Variants in TBCD observed in about 807,000 individuals in gnomAD.
TBCD encodes the protein tubulin-specific chaperone D.
TBCD carries 105 observed loss-of-function variants against 169.3 expected under a neutral mutation model. The observed-to-expected ratio is 0.62, with a 90% CI of 0.53 to 0.73. The LOEUF (loss-of-function observed/expected upper bound fraction) is 0.73. Among genes scored for constraint, TBCD ranks in the 30% least tolerant of loss-of-function variants. The pLI is 0.00. For synonymous variants in TBCD, 700 were observed against 643.9 expected (o/e 1.09, Z -1.32); for missense variants, 1,444 against 1,600.1 (o/e 0.90, Z 1.66).
At chr17:82,872,998 C>T (rs895958085) in intron 14 of TBCD, among the ~76,000 whole-genome samples, 3 of 151,902 alleles carry the variant, frequency 2.0e-5, no homozygotes, top group South Asian at 2.1e-4. Context: ...TCGTGGCCGA[C>T]GGCTTCTGAG....
chr17:82,797,962 CTTTTTTTTTTTTTTTTTT>C (rs60671571), intron 8 of TBCD, among the ~76,000 whole-genome samples, 160 bp downstream of exon 8: 3 of 49,042 alleles, frequency 6.1e-5, no homozygotes, highest in South Asian at 1.2e-3. Context: ...AGTAACTGAA[CTTTTTTTTTTTTTTTTTT>C]TTTTTTTTTT....
chr17:82,752,178 T>G lies in TBCD; in HGVS notation c.-16T>G. 1 of 1,506,962 alleles carries G rather than the reference T, an allele frequency of 6.6e-7. No homozygotes were observed. Among genetic ancestry groups the G allele is most frequent in the Non-Finnish European group, 8.8e-7 (1 of 1,130,672 alleles). 93.3% of individuals were successfully genotyped at this position (1,506,962 alleles called of 1,614,324 possible). On this transcript the variant is annotated 5_prime_UTR_variant, in exon 1 of 39. Coordinates refer to ENST00000355528, the MANE Select transcript of TBCD (RefSeq NM_005993.5). ...GCGAACACGTGAGGCGGGGGCGCGG[T>G]CCCCAGGCTGCCGAGATGGCCCTGA... is the stretch of plus-strand genomic sequence containing the variant.
intron 30 of TBCD, 64 bp from the exon 31 acceptor site, chr17:82,929,049 C>CAGTTTACCGCCCGCTCTT (rs1568072083): frequency 1.3e-6 from 2 of 1,562,876 alleles, no homozygotes; most frequent in African/African-American, 2.7e-5. Context: ...CGCCTGTGCT[C>CAGTTTACCGCCCGCTCTT]AGTTTACCGC....
In TBCD at chr17:82,856,035, A is replaced by G. The variant is rs2056255628; in HGVS notation, c.1319-14189A>G. Among the ~76,000 whole-genome samples, 3 of 110,062 alleles carry G rather than the reference A, an allele frequency of 2.7e-5. No homozygotes were observed. The Admixed American group carries it at 4.2e-4, about 16-fold the overall frequency. 72.2% of individuals were successfully genotyped at this position (110,062 alleles called of 152,430 possible). On this transcript the variant is annotated intron_variant, in intron 13 of 38. Transcript: ENST00000355528. ...TTTTTTTTTGTAGAGACAGGGTCTC[A>G]CCATCTAGCCCAGGTTGGTCTTGAA... is the stretch of plus-strand genomic sequence containing the variant.
intron 13 of TBCD, among the ~76,000 whole-genome samples, chr17:82,861,047 G>T (rs1031240841): frequency 6.6e-6 from 1 of 152,140 alleles, no homozygotes; most frequent in African/African-American, 2.4e-5. Flanking sequence ...ACCGCGGCCC[G>T]TTGCAAGAAG....
rs2063607571 is a variant in TBCD at position 82,945,214 on chromosome 17, T to C, written c.*2751T>C. 1.3e-5 allele frequency: 2 copies of C among 152,158 alleles called. No homozygotes were observed. The highest frequency in any genetic ancestry group is 2.4e-5 in the African/African-American group (1 of 41,428). 9.4% of individuals were successfully genotyped at this position (152,158 alleles called of 1,614,324 possible). A position where few individuals can be genotyped will look rare whatever the true frequency, so the allele number is the denominator to read the frequency against. On this transcript the variant is annotated 3_prime_UTR_variant, in exon 39 of 39. Transcript: ENST00000355528. ...AGCTTAGACACAGCTGAAGAGAGAA[T>C]TAGAAAACTGGAAGATCTGAAAACA...
chr17:82,865,995 G>A (rs1356504823), intron 13 of TBCD, among the ~76,000 whole-genome samples: 1 of 152,228 alleles, frequency 6.6e-6, no homozygotes, highest in Admixed American at 6.5e-5. Flanking sequence ...TGCATTTGCT[G>A]TGTGTAATTG....
intron 13 of TBCD, chr17:82,838,555 G>A (rs138958084): frequency 1.6e-4 from 107 of 680,086 alleles, no homozygotes; most frequent in Non-Finnish European, 1.8e-4. Context: ...TTGTGATGTG[G>A]CGTTGTTGCA....
At chr17:82,796,682 G>C (rs977992930) in intron 7 of TBCD, among the ~76,000 whole-genome samples, 1 of 152,194 alleles carries the variant, frequency 6.6e-6, no homozygotes, top group Non-Finnish European at 1.5e-5. Flanking sequence ...TGTGACTGGT[G>C]GTCTGTGTGC....
At chr17:82,898,116 C>T (rs1258821889) in intron 17 of TBCD, among the ~76,000 whole-genome samples, 1 of 135,184 alleles carries the variant, frequency 7.4e-6, no homozygotes, top group African/African-American at 3.0e-5. Flanking sequence ...CTCTGTTCTC[C>T]CCGGCTGGTT....
Position 82,791,875 on chromosome 17 carries a change from G to A in TBCD, c.772-5882G>A, listed in dbSNP as rs535305628. Reference sequence around the variant, plus strand: ...CTGCTGCTCCCAGGCCAGGTGGTGCGGCCTGCTGCACTCCCAGGCCAGGTG... The same window carrying A: ...CTGCTGCTCCCAGGCCAGGTGGTGCAGCCTGCTGCACTCCCAGGCCAGGTG... On this transcript the variant is annotated intron_variant, in intron 7 of 38. Coordinates refer to ENST00000355528, the MANE Select transcript of TBCD (RefSeq NM_005993.5). 4.0e-5 allele frequency among the ~76,000 whole-genome samples: 6 copies of A among 148,438 alleles called. No individual in the cohort carries two copies. In the East Asian group the frequency reaches 5.9e-4, roughly 14 times the overall value.
chr17:82,880,711 C>T lies in TBCD; in HGVS notation c.1476-3434C>T, dbSNP rs1022685488. ...GGGTCCCTACCGCAGGCTCCCCACA[C>T]AGTGACACCTGTCTGTCCGTCCGTC... On this transcript the variant is annotated intron_variant, in intron 14 of 38. Coordinates refer to ENST00000355528, the MANE Select transcript of TBCD (RefSeq NM_005993.5). The surrounding 1 kb of genome is among the most constrained non-coding windows in gnomAD (Gnocchi z 5.0). Among the ~76,000 whole-genome samples the T allele has an allele frequency of 6.6e-6, 1 of 152,242 alleles. No homozygotes were observed. Among genetic ancestry groups the T allele is most frequent in the African/African-American group, 2.4e-5 (1 of 41,528 alleles).
chr17:82,807,766 GCGGCCCCCTCCT>G (rs1467255631), intron 11 of TBCD, 98 bp downstream of exon 11: 2 of 968,278 alleles, frequency 2.1e-6, no homozygotes, highest in Non-Finnish European at 1.4e-6. Context: ...GAGTGGCAGC[GCGGCCCCCTCCT>G]CGGCCCCCTC....
chr17:82,931,808 C>T (rs1208807928), intron 33 of TBCD: 2 of 152,278 alleles, frequency 1.3e-5, no homozygotes, highest in African/African-American at 4.8e-5. Flanking sequence ...GGGGTAAATA[C>T]CGAGGCGCCG....
intron 1 of TBCD, 21 bp downstream of exon 1, chr17:82,752,398 G>A (rs536240469): frequency 1.1e-3 from 1,310 of 1,220,056 alleles, no homozygotes; most frequent in Non-Finnish European, 1.3e-3. Flanking sequence ...GGCGCCGCGT[G>A]CCCGCTTCCT....
Position 82,805,454 on chromosome 17 carries a change from C to T in TBCD, c.951-421C>T, listed in dbSNP as rs940985788. 3.3e-5 allele frequency among the ~76,000 whole-genome samples: 5 copies of T among 152,132 alleles called. No individual in the cohort carries two copies. In the East Asian group the frequency reaches 5.8e-4, roughly 18 times the overall value. ...CTGTAGGAACTGGTGACCGGTGAGA[C>T]GCAGCACCTGGTGATGAAGGGGCGG... On this transcript the variant is annotated intron_variant, in intron 9 of 38. Coordinates refer to ENST00000355528, the MANE Select transcript of TBCD (RefSeq NM_005993.5).
chr17:82,846,353 C>T (rs938476395), intron 13 of TBCD, among the ~76,000 whole-genome samples: 1 of 151,452 alleles, frequency 6.6e-6, no homozygotes, highest in Admixed American at 6.6e-5. Flanking sequence ...CTCTGCTGCC[C>T]CCTCCATGCG....
chr17:82,891,061 C>A (rs117186292), intron 16 of TBCD, among the ~76,000 whole-genome samples: 1 of 152,222 alleles, frequency 6.6e-6, no homozygotes, highest in African/African-American at 2.4e-5. Flanking sequence ...CCCGGGGTGA[C>A]GACCGTGCTG....
Position 82,833,003 on chromosome 17 carries a change from G to T in TBCD, c.1318+18069G>T, listed in dbSNP as rs1232881314. On this transcript the variant is annotated intron_variant, in intron 13 of 38. Transcript: ENST00000355528. The surrounding 1 kb of genome is among the most constrained non-coding windows in gnomAD (Gnocchi z 4.7). ...CTTTCCTCGAAAGCGCCCTGCCGGG[G>T]GCTGAGGACACCGAGCCCCCTCCCA... 6.6e-6 allele frequency among the ~76,000 whole-genome samples: 1 copy of T among 152,132 alleles called. No individual in the cohort carries two copies. Among genetic ancestry groups the T allele is most frequent in the Non-Finnish European group, 1.5e-5 (1 of 68,016 alleles).
Sources: allele counts gnomAD v4.1 joint callset (sites outside exome capture counted in the v4.1 genomes callset), GRCh38; gene constraint gnomAD v4.1.1; non-coding constraint Gnocchi (gnomAD v3.1); transcripts MANE v1.5; gene names NCBI Gene and HGNC (gene_info 2026-07-23, HGNC 2026-07-21).